RNF185: variants seen among roughly 807,000 people sequenced by gnomAD.
RNF185 encodes the protein ring finger protein 185, also known as E3 ubiquitin-protein ligase RNF185.
In RNF185, 13 loss-of-function variants were observed where a neutral mutation model predicts 24.9. The observed-to-expected ratio is 0.52, with a 90% CI of 0.34 to 0.83. The LOEUF (loss-of-function observed/expected upper bound fraction) is 0.83. Ranked by LOEUF, RNF185 falls within the 40% of genes least tolerant of loss-of-function variation. RNF185 has a pLI of 0.01. For synonymous variants in RNF185, 79 were observed against 90.3 expected (o/e 0.88, Z 0.71); for missense variants, 184 against 244.7 (o/e 0.75, Z 1.65).
chr22:31,184,997 A>G (rs527454438), intron 1 of RNF185, among the ~76,000 whole-genome samples: 411 of 151,258 alleles, frequency 2.7e-3, no homozygotes, highest in African/African-American at 9.8e-3. Context: ...TTTTTTTTTA[A>G]AAAGAAACAC....
At chr22:31,181,747 C>T (rs1044703169) in intron 1 of RNF185, among the ~76,000 whole-genome samples, 5 of 151,714 alleles carry the variant, frequency 3.3e-5, no homozygotes, top group African/African-American at 4.8e-5. Flanking sequence ...AGCAAACTAT[C>T]GCAAGGACAA....
chr22:31,190,597 T>G (rs1252529116), intron 2 of RNF185, among the ~76,000 whole-genome samples: 6 of 147,028 alleles, frequency 4.1e-5, no homozygotes, highest in East Asian at 2.1e-4. Flanking sequence ...TGGTTTTTGG[T>G]TTTTTTTGAG....
At position 31,205,572 on chromosome 22, in the gene RNF185, G is replaced by A. The variant is rs577957368; in HGVS notation, c.*986G>A. The A allele has an allele frequency of 6.6e-6, 1 of 152,314 alleles. No homozygotes were observed. The highest frequency in any genetic ancestry group is 6.5e-5 in the Admixed American group (1 of 15,306). The allele number at this position is 152,314 out of a possible 1,614,324, so 9.4% of individuals were successfully genotyped here. ...CACAGGAAACTGGGGGCTTTGTCAG[G>A]TCAGCCCAACTGCATGCAAAAGACC... On this transcript the variant is annotated 3_prime_UTR_variant, in exon 7 of 7. Transcript: ENST00000326132.
intron 1 of RNF185, among the ~76,000 whole-genome samples, chr22:31,182,404 C>T (rs1163920856): frequency 2.0e-5 from 3 of 152,186 alleles, no homozygotes; most frequent in African/African-American, 7.2e-5. Flanking sequence ...TCTCCTGCCT[C>T]AGCCTCTGGA....
chr22:31,186,925 G>A, intron 1 of RNF185, 122 bp from the exon 2 acceptor site: 1 of 720,832 alleles, frequency 1.4e-6, no homozygotes, highest in Non-Finnish European at 2.3e-6. Context: ...AGCGCTTTGG[G>A]AAGTCTGCTC....
chr22:31,186,665 C>T (rs139032068), intron 1 of RNF185, among the ~76,000 whole-genome samples: 511 of 152,302 alleles, frequency 3.4e-3, no homozygotes, highest in Non-Finnish European at 5.6e-3. Flanking sequence ...AGCAGATTCA[C>T]CCATCAATAT....
At chr22:31,168,540 T>A (rs986002817) in intron 1 of RNF185, among the ~76,000 whole-genome samples, 5 of 152,232 alleles carry the variant, frequency 3.3e-5, no homozygotes, top group Non-Finnish European at 7.3e-5. Flanking sequence ...TGTATAGCTA[T>A]TTCTTTGCGA....
chr22:31,206,448 T>C lies in RNF185; in HGVS notation c.*1862T>C, dbSNP rs1419226201. ...TGGAGTGTCTCTTCTCTAGAGAGAA[T>C]TGGTGGGACCCCCCTCAGTGCAGTG... On this transcript the variant is annotated 3_prime_UTR_variant, in exon 7 of 7. Coordinates refer to ENST00000326132, the MANE Select transcript of RNF185 (RefSeq NM_152267.4). 2 of 152,264 alleles carry C rather than the reference T, an allele frequency of 1.3e-5. No homozygotes were observed. The highest frequency in any genetic ancestry group is 2.9e-5 in the Non-Finnish European group (2 of 68,046). The allele number at this position is 152,264 out of a possible 1,614,324, so 9.4% of individuals were successfully genotyped here. A position where few individuals can be genotyped will look rare whatever the true frequency, so the allele number is the denominator to read the frequency against.
intron 1 of RNF185, among the ~76,000 whole-genome samples, chr22:31,160,731 T>A (rs1923517414): frequency 6.6e-6 from 1 of 152,204 alleles, no homozygotes; most frequent in African/African-American, 2.4e-5. Context: ...TTGTGCGTTC[T>A]GGGCCAAATC....
intron 5 of RNF185, 189 bp downstream of exon 5, chr22:31,197,179 G>C: frequency 1.4e-6 from 1 of 706,984 alleles, no homozygotes. Flanking sequence ...AAACATTTTG[G>C]TTCTATTTTC....
At chr22:31,180,817 G>A (rs2048027140) in intron 1 of RNF185, among the ~76,000 whole-genome samples, 3 of 151,590 alleles carry the variant, frequency 2.0e-5, no homozygotes, top group Non-Finnish European at 4.4e-5. Context: ...ATTGAAACAG[G>A]GTAAGAATAT....
rs561139520 is a variant in RNF185 at position 31,170,364 on chromosome 22, G to A, written c.-49+10061G>A. Among the ~76,000 whole-genome samples the A allele has an allele frequency of 6.6e-5, 10 of 151,688 alleles. No homozygotes were observed. In the South Asian group the frequency reaches 2.1e-3, roughly 32 times the overall value. On this transcript the variant is annotated intron_variant, in intron 1 of 6. Coordinates refer to ENST00000326132, the MANE Select transcript of RNF185 (RefSeq NM_152267.4). Reference sequence around the variant, plus strand: ...CCACCAGGCCTGGCTAATTTTTTTCGTATTTTTAGTAGAGACGAGGTTTCA... The same window carrying A: ...CCACCAGGCCTGGCTAATTTTTTTCATATTTTTAGTAGAGACGAGGTTTCA...
At chr22:31,162,706 C>G (rs1290331166) in intron 1 of RNF185, among the ~76,000 whole-genome samples, 1 of 150,774 alleles carries the variant, frequency 6.6e-6, no homozygotes, top group Admixed American at 6.6e-5. Flanking sequence ...TGAACCAAAC[C>G]TGGACCTACT....
chr22:31,160,658 C>T (rs1211954674), intron 1 of RNF185, among the ~76,000 whole-genome samples: 2 of 152,096 alleles, frequency 1.3e-5, no homozygotes, highest in Non-Finnish European at 2.9e-5. Context: ...CCGGGGAGCG[C>T]GGTGAACAGA....
intron 1 of RNF185, among the ~76,000 whole-genome samples, chr22:31,168,570 G>C (rs1394119859): frequency 2.6e-5 from 4 of 152,104 alleles, no homozygotes; most frequent in African/African-American, 9.7e-5. Context: ...CAATTATTTG[G>C]GTACATACCT....
rs944295020 is a variant in RNF185 at position 31,187,140 on chromosome 22, A to G, written c.46A>G (p.Ser16Gly). The change falls in exon 2 of 7, where the codon AGT becomes GGT. Residue 16 changes from serine to glycine, a missense_variant. By Grantham distance (56) the Ser-to-Gly change is moderately conservative. Transcript: ENST00000326132. ...PSASASPENS[S>G]AGGPSGSSNG... ...GGCCTCTGCATCTCCTGAGAACTCCAGTGCAGGGGGGCCCAGTGGGAGCAG... is the reference window on the plus strand; with the variant it reads ...GGCCTCTGCATCTCCTGAGAACTCCGGTGCAGGGGGGCCCAGTGGGAGCAG... 6.2e-7 allele frequency: 1 copy of G among 1,613,092 alleles called. No homozygotes were observed. Among genetic ancestry groups the G allele is most frequent in the Non-Finnish European group, 8.5e-7 (1 of 1,179,570 alleles).
chr22:31,185,394 C>T (rs1351443856), intron 1 of RNF185, among the ~76,000 whole-genome samples: 3 of 152,144 alleles, frequency 2.0e-5, no homozygotes, highest in African/African-American at 7.2e-5. Context: ...TTCTCATACT[C>T]TGGAAGCTGA....
chr22:31,183,496 A>G (rs1420840316), intron 1 of RNF185, among the ~76,000 whole-genome samples: 4 of 152,016 alleles, frequency 2.6e-5, no homozygotes, highest in Non-Finnish European at 5.9e-5. Context: ...ACATGTGAAC[A>G]AAGGTCTCTG....
chr22:31,182,056 TA>T lies in RNF185; in HGVS notation c.-48-4980del, dbSNP rs200392556. Among the ~76,000 whole-genome samples, 499 of 140,682 alleles carry T rather than the reference TA, an allele frequency of 3.5e-3. 1 individual carries two copies. Among genetic ancestry groups the T allele is most frequent in the African/African-American group, 8.5e-3 (327 of 38,492 alleles). 92.3% of individuals were successfully genotyped at this position (140,682 alleles called of 152,430 possible). On this transcript the variant is annotated intron_variant, in intron 1 of 6. Transcript: ENST00000326132. Reference sequence around the variant, plus strand: ...TGTCTCTAGCAGATCAGGTTTTGTTTAAAAAAAAAAACACAATATCATTATT... The same window carrying T: ...TGTCTCTAGCAGATCAGGTTTTGTTTAAAAAAAAAACACAATATCATTATT...
Sources: gnomAD v4.1 joint callset for allele counts (sites outside exome capture counted in the v4.1 genomes callset) on GRCh38, gnomAD v4.1.1 for gene constraint, MANE v1.5 for transcripts, NCBI Gene and HGNC (gene_info 2026-07-23, HGNC 2026-07-21) for gene names.